The following UPF2 variants were observed in gnomAD, a reference collection of about 807,000 sequenced individuals.
The protein encoded by UPF2 is regulator of nonsense transcripts 2.
UPF2 carries 17 observed loss-of-function variants against 141.4 expected under a neutral mutation model. The ratio of observed to expected loss-of-function variants is 0.12; its 90% CI spans 0.08 to 0.18. The LOEUF (loss-of-function observed/expected upper bound fraction) is 0.18. Ranked by LOEUF, UPF2 falls within the 10% of genes least tolerant of loss-of-function variation. The pLI is 1.00. For synonymous variants in UPF2, 540 were observed against 498.0 expected (o/e 1.08, Z -1.12); for missense variants, 1,152 against 1,515.9 (o/e 0.76, Z 3.99).
At chr10:12,001,584 A>T in intron 6 of UPF2, 92 bp downstream of exon 6, 1 of 1,246,046 alleles carries the variant, frequency 8.0e-7, no homozygotes, top group Non-Finnish European at 1.1e-6. Flanking sequence ...ATTAAAAAAT[A>T]CAGAATTAAG....
chr10:11,948,517 G>A lies in UPF2; in HGVS notation c.3035-9C>T. On this transcript the variant is annotated splice_polypyrimidine_tract_variant and intron_variant, in intron 15 of 21. Coordinates refer to ENST00000357604, the MANE Select transcript of UPF2 (RefSeq NM_015542.4). ...TTTGTCATTTACTAGGCCTTGAAAT[G>A]AGAAGGTGGAAATGGAAAAATACAT... is the stretch of plus-strand genomic sequence containing the variant. 1 of 1,609,934 alleles carries A rather than the reference G, an allele frequency of 6.2e-7. No homozygotes were observed. The highest frequency in any genetic ancestry group is 8.5e-7 in the Non-Finnish European group (1 of 1,179,286).
At chr10:12,005,502 C>T (rs1299804682) in intron 4 of UPF2, among the ~76,000 whole-genome samples, 2 of 152,156 alleles carry the variant, frequency 1.3e-5, no homozygotes, top group Non-Finnish European at 2.9e-5. Context: ...GGGAAAGATA[C>T]ATACTGGTTA....
intron 2 of UPF2, 114 bp from the exon 3 acceptor site, chr10:12,029,638 A>C (rs1156615882): frequency 8.7e-7 from 1 of 1,154,598 alleles, no homozygotes; most frequent in Non-Finnish European, 1.2e-6. Context: ...AACAATCTAC[A>C]AGATTCAAAA....
chr10:11,983,949 G>C (rs1204112508), intron 8 of UPF2, among the ~76,000 whole-genome samples: 1 of 151,426 alleles, frequency 6.6e-6, no homozygotes, highest in East Asian at 1.9e-4. Flanking sequence ...TTGAGACGGA[G>C]TTTCGTTCTC....
chr10:11,986,222 A>G lies in UPF2; in HGVS notation c.1845-7057T>C, dbSNP rs117034818. 3.8e-4 allele frequency among the ~76,000 whole-genome samples: 58 copies of G among 152,230 alleles called. No homozygotes were observed. The East Asian group carries it at 0.011, about 29-fold the overall frequency. On this transcript the variant is annotated intron_variant, in intron 8 of 21. Coordinates refer to ENST00000357604, the MANE Select transcript of UPF2 (RefSeq NM_015542.4). ...TGAAAACGGAATTCTATAATCTCAT[A>G]AGATGGCGAAAATTACGTTTACCAA... is the stretch of plus-strand genomic sequence containing the variant.
At position 11,979,707 on chromosome 10, in the gene UPF2, C is replaced by T. The variant is rs7080939; in HGVS notation, c.1845-542G>A. ...AGATCATGAGGTAAAGAGATCAAGA[C>T]TATCCTGGCTAACACGGTGAAACCC... On this transcript the variant is annotated intron_variant, in intron 8 of 21. Coordinates refer to ENST00000357604, the MANE Select transcript of UPF2 (RefSeq NM_015542.4). The surrounding 1 kb of genome is among the most constrained non-coding windows in gnomAD (Gnocchi z 6.2). Among the ~76,000 whole-genome samples the T allele has an allele frequency of 0.056, 8,526 of 152,210 alleles. 320 individuals carry two copies. Among genetic ancestry groups the T allele is most frequent in the Non-Finnish European group, 0.085 (5,768 of 68,002 alleles).
At chr10:11,951,761 A>G (rs1833078128) in intron 15 of UPF2, among the ~76,000 whole-genome samples, 1 of 152,240 alleles carries the variant, frequency 6.6e-6, no homozygotes, top group South Asian at 2.1e-4. Flanking sequence ...AATAGATTTT[A>G]TATTAGCAAC....
chr10:12,033,772 C>T (rs1834570616), intron 2 of UPF2, among the ~76,000 whole-genome samples: 1 of 152,102 alleles, frequency 6.6e-6, no homozygotes, highest in South Asian at 2.1e-4. Context: ...TGGTCTTGAA[C>T]TCCTGAGCTC....
chr10:11,947,609 C>A (rs759094869), intron 16 of UPF2, among the ~76,000 whole-genome samples: 4 of 151,198 alleles, frequency 2.6e-5, no homozygotes, highest in Non-Finnish European at 5.9e-5. Flanking sequence ...TAGCAAGATC[C>A]CCATCTCTAC....
rs556762185 is a variant in UPF2, at chr10:11,969,715, G to A, written c.1954-2261C>T. Among the ~76,000 whole-genome samples the A allele has an allele frequency of 2.2e-4, 34 of 152,136 alleles. No homozygotes were observed. In the South Asian group the frequency reaches 4.8e-3, roughly 21 times the overall value. On this transcript the variant is annotated intron_variant, in intron 9 of 21. Coordinates refer to ENST00000357604, the MANE Select transcript of UPF2 (RefSeq NM_015542.4). ...TAATTTACCTTATTTTCTGAGCTTC[G>A]AGGATTGATTGAGTGTGCACTGTGG... is the stretch of plus-strand genomic sequence containing the variant.
At chr10:12,027,625 C>T (rs186881727) in intron 3 of UPF2, among the ~76,000 whole-genome samples, 435 of 152,280 alleles carry the variant, frequency 2.9e-3, no homozygotes, top group African/African-American at 0.01. Context: ...CAAGGATAAG[C>T]CTTTTCCTTT....
intron 4 of UPF2, among the ~76,000 whole-genome samples, chr10:12,007,901 T>C (rs961307316): frequency 8.0e-5 from 12 of 150,700 alleles, no homozygotes; most frequent in African/African-American, 1.5e-4. Context: ...CTTTTTTTTT[T>C]TCTCTCTGAC....
intron 2 of UPF2, among the ~76,000 whole-genome samples, chr10:12,031,111 T>C (rs144127194): frequency 3.4e-4 from 51 of 150,838 alleles, no homozygotes; most frequent in African/African-American, 1.1e-3. Flanking sequence ...GAGGCGGAGC[T>C]TGCAGTGAGC....
At position 12,004,675 on chromosome 10, in the gene UPF2, GTCATAT is replaced by G. The variant is rs781290758; in HGVS notation, c.1353_1358del (p.Glu451_Tyr452del). ...CATCTTCCCATATACCACCTTCCAA[GTCATAT>G]TCTCCAGGTTTACCAGGTGTGAATA... On this transcript the variant is annotated inframe_deletion, in exon 5 of 22. Coordinates refer to ENST00000357604, the MANE Select transcript of UPF2 (RefSeq NM_015542.4). The G allele has an allele frequency of 6.2e-7, 1 of 1,613,602 alleles. No individual in the cohort carries two copies. Among genetic ancestry groups the G allele is most frequent in the African/African-American group, 1.3e-5 (1 of 74,864 alleles).
intron 9 of UPF2, among the ~76,000 whole-genome samples, chr10:11,971,063 A>G (rs1180967297): frequency 6.6e-6 from 1 of 152,072 alleles, no homozygotes; most frequent in African/African-American, 2.4e-5. Context: ...TTATTCTGAA[A>G]TATTATAAAG....
At chr10:12,013,342 T>C (rs902171987) in intron 4 of UPF2, among the ~76,000 whole-genome samples, 1 of 148,378 alleles carries the variant, frequency 6.7e-6, no homozygotes, top group African/African-American at 2.5e-5. Flanking sequence ...AGTGGCACAA[T>C]CTCGGCTCAC....
rs564217571 is a variant in UPF2 at position 12,020,254 on chromosome 10, T to TA, written c.1146-6071_1146-6070insT. ...TTATCCTAAAAAATAAATTTTATTT[T>TA]TTTTTTAATTTTTTTGAGACGGAGT... On this transcript the variant is annotated intron_variant, in intron 3 of 21. Transcript: ENST00000357604. Among the ~76,000 whole-genome samples the TA allele has an allele frequency of 1.7e-3, 254 of 151,994 alleles. 1 individual carries two copies. The highest frequency in any genetic ancestry group is 5.7e-3 in the African/African-American group (235 of 41,506).
In UPF2 at chr10:11,943,206, C is replaced by T. The variant is rs747741958; in HGVS notation, c.3175-38G>A. ...AACATTAGAAGATTAAATAACTTTT[C>T]GAAGTGTAACCATATTTTACATGCC... is the stretch of plus-strand genomic sequence containing the variant. On this transcript the variant is annotated intron_variant, in intron 16 of 21. Coordinates refer to ENST00000357604, the MANE Select transcript of UPF2 (RefSeq NM_015542.4). 71 of 1,473,062 alleles carry T rather than the reference C, an allele frequency of 4.8e-5. 1 individual carries two copies. In the Admixed American group the frequency reaches 5.3e-4, roughly 11 times the overall value. The allele number at this position is 1,473,062 out of a possible 1,614,324, so 91.2% of individuals were successfully genotyped here.
chr10:11,947,145 T>G (rs1833011159), intron 16 of UPF2, among the ~76,000 whole-genome samples: 1 of 152,154 alleles, frequency 6.6e-6, no homozygotes, highest in Non-Finnish European at 1.5e-5. Context: ...GAGACTACGG[T>G]GAGCCGAGAT....
Sources: gnomAD v4.1 joint callset for allele counts (sites outside exome capture counted in the v4.1 genomes callset) on GRCh38, gnomAD v4.1.1 for gene constraint, Gnocchi (gnomAD v3.1) non-coding constraint, MANE v1.5 for transcripts, NCBI Gene and HGNC (gene_info 2026-07-23, HGNC 2026-07-21) for gene names.